The following CPA6 variants were observed in gnomAD, a reference collection of about 807,000 sequenced individuals.
CPA6 encodes carboxypeptidase A6, also known as carboxypeptidase B.
A neutral mutation model predicts 63.3 loss-of-function variants in CPA6; 58 were observed. The observed-to-expected ratio is 0.92, with a 90% confidence interval of 0.74 to 1.14. CPA6 has a LOEUF of 1.14. Ranked by LOEUF, CPA6 falls within the 50% of genes most tolerant of loss-of-function variation. The pLI is 0.00. For synonymous variants in CPA6, 185 were observed against 179.0 expected, an observed-to-expected ratio of 1.03 and a Z score of -0.27; for missense variants, 565 against 526.6, an observed-to-expected ratio of 1.07 and a Z score of -0.71.
chr8:67,699,721 G>A (rs1816983039), intron 1 of CPA6, among the ~76,000 whole-genome samples: 1 of 151,782 alleles, frequency 6.6e-6, no homozygotes, highest in East Asian at 1.9e-4. Context: ...CCGAGTAGCT[G>A]GGATTACAGG....
At chr8:67,656,468 A>C (rs1815987562) in intron 1 of CPA6, among the ~76,000 whole-genome samples, 1 of 152,218 alleles carries the variant, frequency 6.6e-6, no homozygotes, top group Non-Finnish European at 1.5e-5. Flanking sequence ...TTTAAGGCTC[A>C]TGGAGCACAG....
intron 6 of CPA6, among the ~76,000 whole-genome samples, chr8:67,499,958 T>C (rs1209832613): frequency 6.6e-6 from 1 of 152,162 alleles, no homozygotes; most frequent in Non-Finnish European, 1.5e-5. Context: ...CTATAAACAT[T>C]TGTGCACGGG....
intron 2 of CPA6, among the ~76,000 whole-genome samples, chr8:67,584,708 A>G (rs11778942): frequency 0.24 from 36,172 of 152,054 alleles, 4,767 homozygotes; most frequent in South Asian, 0.35. Flanking sequence ...TTCTATGGTG[A>G]TGCAAGTCAG....
intron 8 of CPA6, among the ~76,000 whole-genome samples, chr8:67,445,478 A>G (rs990189231): frequency 6.6e-6 from 1 of 152,126 alleles, no homozygotes; most frequent in Non-Finnish European, 1.5e-5. Context: ...TTTAGTTTAT[A>G]TATGTGTCTC....
At chr8:67,604,496 C>T (rs902810118) in intron 2 of CPA6, among the ~76,000 whole-genome samples, 5 of 152,124 alleles carry the variant, frequency 3.3e-5, no homozygotes, top group Admixed American at 6.5e-5. Context: ...CCCTGCTTTA[C>T]GTTTCCCTAC....
chr8:67,713,115 A>ATG (rs1357482170), intron 1 of CPA6, among the ~76,000 whole-genome samples: 1 of 123,552 alleles, frequency 8.1e-6, no homozygotes, highest in East Asian at 2.3e-4. Flanking sequence ...ATATATATAT[A>ATG]TATATATATA....
chr8:67,497,962 T>G (rs182747423), intron 6 of CPA6, among the ~76,000 whole-genome samples: 9 of 152,210 alleles, frequency 5.9e-5, no homozygotes, highest in African/African-American at 2.2e-4. Context: ...AGCCATCCTC[T>G]ATTTTTAAAT....
chr8:67,569,884 T>C (rs1346897592), intron 2 of CPA6: 2 of 183,112 alleles, frequency 1.1e-5, no homozygotes, highest in African/African-American at 4.8e-5. Context: ...CAAGGAAACA[T>C]GTAGCCTCTT....
chr8:67,634,918 C>T (rs2128988869), intron 1 of CPA6, among the ~76,000 whole-genome samples: 1 of 151,574 alleles, frequency 6.6e-6, no homozygotes, highest in Admixed American at 6.6e-5. Context: ...GAAATGGTCT[C>T]ACTCTGTTGC....
chr8:67,738,861 T>G (rs1587741573), intron 1 of CPA6, among the ~76,000 whole-genome samples: 2 of 152,236 alleles, frequency 1.3e-5, no homozygotes, highest in Non-Finnish European at 2.9e-5. Flanking sequence ...AGTTATCTAC[T>G]GATTGATCAT....
intron 10 of CPA6, 26 bp from the exon 11 acceptor site, chr8:67,422,717 G>A: frequency 2.0e-6 from 3 of 1,486,498 alleles, no homozygotes; most frequent in Non-Finnish European, 2.8e-6. Context: ...AAAAAAAAAA[G>A]ATCAGCCTCA....
At chr8:67,471,454 A>G (rs1462139818) in intron 8 of CPA6, among the ~76,000 whole-genome samples, 1 of 152,078 alleles carries the variant, frequency 6.6e-6, no homozygotes, top group Non-Finnish European at 1.5e-5. Context: ...TATTTTTTTA[A>G]TTGTAAAAAA....
chr8:67,683,117 C>G (rs1210548392), intron 1 of CPA6, among the ~76,000 whole-genome samples: 1 of 152,228 alleles, frequency 6.6e-6, no homozygotes, highest in African/African-American at 2.4e-5. Context: ...CTAGCAGTAG[C>G]TGGAGCAATC....
intron 1 of CPA6, among the ~76,000 whole-genome samples, chr8:67,742,435 G>C (rs935534835): frequency 6.6e-5 from 10 of 152,178 alleles, no homozygotes; most frequent in African/African-American, 2.4e-4. Context: ...AGGCAGAGCT[G>C]GGTGAGAATC....
At chr8:67,440,526 G>A (rs762276807) in intron 8 of CPA6, among the ~76,000 whole-genome samples, 15 of 152,020 alleles carry the variant, frequency 9.9e-5, no homozygotes, top group Admixed American at 4.6e-4. Context: ...AGCCAAGATC[G>A]TGCCACTGTA....
rs758477533 is a variant in CPA6 at position 67,549,467 on chromosome 8, A to G, written c.193-31420T>C. ...ATAACCTTCTGAAGTTTCCTCCCAC[A>G]CTCTTCTTTTTGTGACAAAAACACT... On this transcript the variant is annotated intron_variant, in intron 2 of 10. Coordinates refer to ENST00000297770, the MANE Select transcript of CPA6 (RefSeq NM_020361.5). 2.0e-5 allele frequency among the ~76,000 whole-genome samples: 3 copies of G among 152,014 alleles called. 1 individual carries two copies. The highest frequency in any genetic ancestry group is 4.4e-5 in the Non-Finnish European group (3 of 67,992).
At chr8:67,474,458 T>G in intron 8 of CPA6, among the ~76,000 whole-genome samples, 1 of 152,094 alleles carries the variant, frequency 6.6e-6, no homozygotes, top group South Asian at 2.1e-4. Context: ...CCTGACCTCG[T>G]GATCCACCCA....
chr8:67,645,870 C>T (rs1437081866), intron 1 of CPA6, among the ~76,000 whole-genome samples: 2 of 152,210 alleles, frequency 1.3e-5, no homozygotes, highest in African/African-American at 4.8e-5. Context: ...TCTTAGCTGT[C>T]TGTACTGGTT....
At chr8:67,626,561 A>G (rs913948882) in intron 1 of CPA6, among the ~76,000 whole-genome samples, 1 of 152,232 alleles carries the variant, frequency 6.6e-6, no homozygotes, top group Non-Finnish European at 1.5e-5. Flanking sequence ...CCGGGAAAAA[A>G]TTGTCAAGTC....
Sources: gnomAD v4.1 joint callset for allele counts (sites outside exome capture counted in the v4.1 genomes callset) on GRCh38, gnomAD v4.1.1 for gene constraint, MANE v1.5 for transcripts, NCBI Gene and HGNC (gene_info 2026-07-23, HGNC 2026-07-21) for gene names.